Variants in NXPH2 observed in about 807,000 individuals in gnomAD.
The protein encoded by NXPH2 is neurexophilin-2.
A neutral mutation model predicts 19.8 loss-of-function variants in NXPH2; 5 were observed. That is an observed-to-expected ratio of 0.25 (90% confidence interval 0.13 to 0.53). The LOEUF (loss-of-function observed/expected upper bound fraction) is 0.53, where lower values mean the gene tolerates loss of function less well. Ranked by LOEUF, NXPH2 falls within the 20% of genes least tolerant of loss-of-function variation. The pLI, the probability that NXPH2 is intolerant of heterozygous loss-of-function variation, is 0.96. For synonymous variants in NXPH2, 154 were observed against 127.4 expected, an observed-to-expected ratio of 1.21 and a Z score of -1.41; for missense variants, 289 against 322.8, an observed-to-expected ratio of 0.90 and a Z score of 0.80.
intron 1 of NXPH2, among the ~76,000 whole-genome samples, chr2:138,681,663 T>A (rs190750563): frequency 2.0e-5 from 3 of 152,276 alleles, no homozygotes; most frequent in Admixed American, 1.3e-4. Flanking sequence ...GGAGAGAAAG[T>A]TGGCTTTTCC....
chr2:138,769,377 G>A (rs1427857909), intron 1 of NXPH2, among the ~76,000 whole-genome samples: 1 of 152,110 alleles, frequency 6.6e-6, no homozygotes, highest in Non-Finnish European at 1.5e-5. Context: ...TGCAATGAAG[G>A]AAGCTGAAAG....
intron 1 of NXPH2, among the ~76,000 whole-genome samples, chr2:138,689,052 G>A (rs1680706470): frequency 6.6e-6 from 1 of 152,130 alleles, no homozygotes; most frequent in South Asian, 2.1e-4. Flanking sequence ...CTAATTTTAT[G>A]ACTTGGTTAA....
intron 1 of NXPH2, among the ~76,000 whole-genome samples, chr2:138,740,915 C>G (rs1033212203): frequency 5.3e-5 from 8 of 150,212 alleles, no homozygotes; most frequent in African/African-American, 2.0e-4. Flanking sequence ...CCCTTTTGAA[C>G]AGCCAATACA....
At chr2:138,682,999 A>G (rs946820986) in intron 1 of NXPH2, among the ~76,000 whole-genome samples, 1 of 152,182 alleles carries the variant, frequency 6.6e-6, no homozygotes, top group African/African-American at 2.4e-5. Flanking sequence ...TTGTATTAGA[A>G]AGCTGAATTA....
At position 138,686,263 on chromosome 2, in the gene NXPH2, T is replaced by C. The variant is rs549391514; in HGVS notation, c.52-14598A>G. The stretch of plus-strand genomic sequence containing the variant: ...TGATCTCCTAGTGGGGTCTTCTTTC[T>C]CTTCTCTCCCACCAGCAACCTCTTC... On this transcript the variant is annotated intron_variant, in intron 1 of 1. Coordinates refer to ENST00000272641, the MANE Select transcript of NXPH2 (RefSeq NM_007226.3). 5.3e-5 allele frequency among the ~76,000 whole-genome samples: 8 copies of C among 152,280 alleles called. No individual in the cohort carries two copies. The South Asian group carries it at 1.4e-3, about 28-fold the overall frequency.
chr2:138,693,189 T>C (rs941770127), intron 1 of NXPH2, among the ~76,000 whole-genome samples: 6 of 152,184 alleles, frequency 3.9e-5, no homozygotes, highest in African/African-American at 9.6e-5. Context: ...TCTGTTCTGG[T>C]CATCATTGTC....
chr2:138,706,469 A>T (rs1681011204), intron 1 of NXPH2, among the ~76,000 whole-genome samples: 1 of 152,190 alleles, frequency 6.6e-6, no homozygotes, highest in Non-Finnish European at 1.5e-5. Flanking sequence ...GTTCTCTAGG[A>T]TCTATCCAAT....
At chr2:138,676,185 G>A (rs1286186777) in intron 1 of NXPH2, among the ~76,000 whole-genome samples, 1 of 152,122 alleles carries the variant, frequency 6.6e-6, no homozygotes, top group African/African-American at 2.4e-5. Context: ...CTATCTGACA[G>A]TGGTTTACTG....
chr2:138,775,218 A>T (rs967348131), intron 1 of NXPH2, among the ~76,000 whole-genome samples: 1 of 152,176 alleles, frequency 6.6e-6, no homozygotes, highest in African/African-American at 2.4e-5. Flanking sequence ...GTAATTCTAT[A>T]AGGAAAGATA....
chr2:138,733,629 T>C (rs1200617037), intron 1 of NXPH2, among the ~76,000 whole-genome samples: 1 of 152,170 alleles, frequency 6.6e-6, no homozygotes, highest in East Asian at 1.9e-4. Flanking sequence ...AATTGCCCTC[T>C]AGCTACCATT....
At chr2:138,746,869 G>T (rs995752993) in intron 1 of NXPH2, among the ~76,000 whole-genome samples, 2 of 152,044 alleles carry the variant, frequency 1.3e-5, no homozygotes, top group Admixed American at 1.3e-4. Flanking sequence ...CTATAAAAAA[G>T]GGTTTTGAAG....
chr2:138,765,502 A>G (rs938382693), intron 1 of NXPH2, among the ~76,000 whole-genome samples: 1 of 152,226 alleles, frequency 6.6e-6, no homozygotes, highest in Admixed American at 6.5e-5. Context: ...AAAACTAAGA[A>G]TTACCTTAAA....
chr2:138,780,194 C>T lies in NXPH2; in HGVS notation c.48G>A (p.Gln16=). 6.7e-7 allele frequency: 1 copy of T among 1,490,984 alleles called. No individual in the cohort carries two copies. Among genetic ancestry groups the T allele is most frequent in the East Asian group, 2.8e-5 (1 of 35,316 alleles). The allele number at this position is 1,490,984 out of a possible 1,614,324, so 92.4% of individuals were successfully genotyped here. Residue 16 remains glutamine (Q), a synonymous_variant, in exon 1 of 2, where the codon CAG becomes CAA. Coordinates refer to ENST00000272641, the MANE Select transcript of NXPH2 (RefSeq NM_007226.3). ...LPLVVVPGLL[Q]LLFCDSKEVV... Reference sequence around the variant, plus strand: ...GGCGCGCGGGCCGGGCACTCACCAGCTGCAGCAAGCCAGGGACCACCACGA... The same window carrying T: ...GGCGCGCGGGCCGGGCACTCACCAGTTGCAGCAAGCCAGGGACCACCACGA...
chr2:138,765,102 G>A (rs2104841062), intron 1 of NXPH2, among the ~76,000 whole-genome samples: 1 of 152,284 alleles, frequency 6.6e-6, no homozygotes, highest in Middle Eastern at 3.4e-3. Context: ...ACAAGCAAAT[G>A]AAAAATGCAG....
At chr2:138,712,095 C>T (rs909243409) in intron 1 of NXPH2, among the ~76,000 whole-genome samples, 2 of 152,110 alleles carry the variant, frequency 1.3e-5, no homozygotes, top group African/African-American at 4.8e-5. Flanking sequence ...ACATCCTGGG[C>T]AGAACTGCCT....
At chr2:138,688,783 A>G (rs1680701499) in intron 1 of NXPH2, among the ~76,000 whole-genome samples, 1 of 152,194 alleles carries the variant, frequency 6.6e-6, no homozygotes, top group Admixed American at 6.5e-5. Flanking sequence ...AGCATTTCAT[A>G]CATAAAGTGT....
At chr2:138,756,894 C>G (rs1681917971) in intron 1 of NXPH2, among the ~76,000 whole-genome samples, 1 of 152,118 alleles carries the variant, frequency 6.6e-6, no homozygotes, top group African/African-American at 2.4e-5. Flanking sequence ...AAGCAATATT[C>G]AGTGGGTATG....
At chr2:138,692,340 G>C (rs999309101) in intron 1 of NXPH2, among the ~76,000 whole-genome samples, 3 of 152,160 alleles carry the variant, frequency 2.0e-5, no homozygotes, top group African/African-American at 7.2e-5. Context: ...AAACATCAAT[G>C]CTTGTTTATC....
chr2:138,698,791 G>A (rs972623687), intron 1 of NXPH2, among the ~76,000 whole-genome samples: 3 of 152,082 alleles, frequency 2.0e-5, no homozygotes, highest in African/African-American at 4.8e-5. Context: ...GAATTAGAGG[G>A]GGCAGTAAGC....
Sources: gnomAD v4.1 joint callset for allele counts (sites outside exome capture counted in the v4.1 genomes callset) on GRCh38, gnomAD v4.1.1 for gene constraint, MANE v1.5 for transcripts, NCBI Gene and HGNC (gene_info 2026-07-23, HGNC 2026-07-21) for gene names.